Variants in ULK4 observed in about 807,000 individuals in gnomAD.
The protein encoded by ULK4 is inactive serine/threonine-protein kinase ULK4.
A neutral mutation model predicts 160.6 loss-of-function variants in ULK4; 133 were observed. The observed-to-expected ratio is 0.83, with a 90% confidence interval of 0.72 to 0.96. ULK4 has a LOEUF of 0.96. Ranked by LOEUF, ULK4 falls within the 40% of genes least tolerant of loss-of-function variation. The probability of loss-of-function intolerance (pLI) is 0.00; values close to 1 mark genes in which losing one functional copy is unlikely to be tolerated. For synonymous variants in ULK4, 534 were observed against 539.8 expected (o/e 0.99, Z 0.15); for missense variants, 1,580 against 1,499.5 (o/e 1.05, Z -0.89).
chr3:41,555,166 C>A, intron 32 of ULK4, among the ~76,000 whole-genome samples: 1 of 151,202 alleles, frequency 6.6e-6, no homozygotes. Context: ...GAAGTAAATC[C>A]CAAAACTGAT....
chr3:41,787,401 G>T (rs115082264), intron 21 of ULK4, among the ~76,000 whole-genome samples: 3,551 of 152,222 alleles, frequency 0.023, 59 homozygotes, highest in Non-Finnish European at 0.037. Context: ...TGGAAAGCCT[G>T]ACCTCGCACT....
In ULK4 at chr3:41,743,761, G is replaced by C. The variant is rs530919535; in HGVS notation, c.2321+10600C>G. Reference sequence around the variant, plus strand: ...GCTCCCTGCAACCTCCACCTCACAGGTTCAAGCAATTCTCCTGCATCAGCC... The same window carrying C: ...GCTCCCTGCAACCTCCACCTCACAGCTTCAAGCAATTCTCCTGCATCAGCC... On this transcript the variant is annotated intron_variant, in intron 22 of 36. Transcript: ENST00000301831. 9.9e-5 allele frequency among the ~76,000 whole-genome samples: 15 copies of C among 151,982 alleles called. 1 individual carries two copies. Among genetic ancestry groups the C allele is most frequent in the African/African-American group, 3.6e-4 (15 of 41,282 alleles).
At chr3:41,770,013 A>G (rs1235933401) in intron 21 of ULK4, among the ~76,000 whole-genome samples, 2 of 152,230 alleles carry the variant, frequency 1.3e-5, no homozygotes, top group African/African-American at 4.8e-5. Flanking sequence ...GATTAAATCT[A>G]AAATTGTTTT....
At chr3:41,381,691 AC>A (rs963330169) in intron 35 of ULK4, among the ~76,000 whole-genome samples, 20 of 152,184 alleles carry the variant, frequency 1.3e-4, no homozygotes, top group African/African-American at 4.6e-4. Context: ...TGATACAGCA[AC>A]CCCCTGACAT....
chr3:41,408,901 T>TA (rs1559578743), intron 34 of ULK4, among the ~76,000 whole-genome samples: 1 of 151,932 alleles, frequency 6.6e-6, no homozygotes, highest in Admixed American at 6.6e-5. Context: ...ACTGGACATA[T>TA]AAAAAAATGA....
chr3:41,845,010 G>C (rs1041799411), intron 17 of ULK4, among the ~76,000 whole-genome samples: 7 of 149,558 alleles, frequency 4.7e-5, no homozygotes, highest in Non-Finnish European at 7.4e-5. Flanking sequence ...CTGTTGCCCA[G>C]GCTGGAGTGC....
At chr3:41,484,585 T>C (rs1335409260) in intron 32 of ULK4, among the ~76,000 whole-genome samples, 1 of 152,054 alleles carries the variant, frequency 6.6e-6, no homozygotes, top group Non-Finnish European at 1.5e-5. Context: ...CCGGAGTAGC[T>C]GGGACTACAG....
intron 32 of ULK4, among the ~76,000 whole-genome samples, chr3:41,522,634 C>T (rs2085971723): frequency 6.6e-6 from 1 of 152,110 alleles, no homozygotes; most frequent in Admixed American, 6.6e-5. Context: ...GGAAAGTTCT[C>T]TTTATTAACA....
chr3:41,339,229 CCT>C (rs747883970), intron 35 of ULK4, among the ~76,000 whole-genome samples: 229 of 152,150 alleles, frequency 1.5e-3, no homozygotes, highest in Non-Finnish European at 5.4e-4. Flanking sequence ...GGTCTTCACC[CCT>C]GTCCAGGGGC....
Position 41,912,869 on chromosome 3 carries a change from T to C in ULK4, c.834A>G (p.Ser278=), listed in dbSNP as rs1698837316. Residue 278 remains serine, a synonymous_variant, in exon 9 of 37, where the codon TCA becomes TCG. Coordinates refer to ENST00000301831, the MANE Select transcript of ULK4 (RefSeq NM_017886.4). The stretch of plus-strand genomic sequence containing the variant: ...CTCCAGCAAAAGCTTTCTTCCAAAA[T>C]GAATGCTGCAGTAGCCTTGTCCAAG... ...RLTWTRLLQH[S]FWKKAFAGAD... 1 of 1,614,160 alleles carries C rather than the reference T, an allele frequency of 6.2e-7. No homozygotes were observed. The highest frequency in any genetic ancestry group is 8.5e-7 in the Non-Finnish European group (1 of 1,180,018).
intron 17 of ULK4, among the ~76,000 whole-genome samples, chr3:41,849,179 GA>G (rs756590902): frequency 2.6e-5 from 4 of 152,188 alleles, no homozygotes; most frequent in Non-Finnish European, 5.9e-5. Context: ...AGCCTATCCT[GA>G]CTGACAGATA....
intron 35 of ULK4, among the ~76,000 whole-genome samples, chr3:41,382,437 T>G (rs2081678514): frequency 6.6e-6 from 1 of 152,238 alleles, no homozygotes; most frequent in Non-Finnish European, 1.5e-5. Flanking sequence ...TAAATTCACT[T>G]TGATAAATGT....
chr3:41,850,989 G>C (rs1369328899), intron 17 of ULK4, among the ~76,000 whole-genome samples: 2 of 152,082 alleles, frequency 1.3e-5, no homozygotes, highest in Non-Finnish European at 2.9e-5. Flanking sequence ...TTTTGTATAA[G>C]GTTTTCTAGA....
intron 27 of ULK4, among the ~76,000 whole-genome samples, chr3:41,684,262 C>T (rs1193001433): frequency 6.6e-6 from 1 of 152,218 alleles, no homozygotes; most frequent in Non-Finnish European, 1.5e-5. Context: ...ACCAGCCAGG[C>T]TTCTGACCTG....
intron 5 of ULK4, among the ~76,000 whole-genome samples, chr3:41,929,118 C>T (rs1458395409): frequency 1.3e-5 from 2 of 152,210 alleles, no homozygotes; most frequent in South Asian, 2.1e-4. Flanking sequence ...CTGAATCCAG[C>T]AGCACATCCA....
intron 17 of ULK4, among the ~76,000 whole-genome samples, chr3:41,859,916 C>T (rs369298189): frequency 6.6e-6 from 1 of 151,190 alleles, no homozygotes; most frequent in East Asian, 1.9e-4. Flanking sequence ...GATCCACCCA[C>T]CTCGGCATCC....
chr3:41,479,349 G>A (rs1413173659), intron 32 of ULK4, among the ~76,000 whole-genome samples: 1 of 152,034 alleles, frequency 6.6e-6, no homozygotes, highest in Non-Finnish European at 1.5e-5. Context: ...CAGACTGAAG[G>A]AATTACAAAA....
chr3:41,601,506 G>T (rs2032060714), intron 31 of ULK4, among the ~76,000 whole-genome samples: 1 of 152,068 alleles, frequency 6.6e-6, no homozygotes, highest in African/African-American at 2.4e-5. Flanking sequence ...AAAAATTGTG[G>T]GTTGGAGGGT....
intron 35 of ULK4, among the ~76,000 whole-genome samples, chr3:41,301,442 G>A (rs777292846): frequency 3.3e-5 from 5 of 152,088 alleles, no homozygotes; most frequent in East Asian, 1.9e-4. Flanking sequence ...GATATAACAC[G>A]TGAGCACTAA....
Sources: gnomAD v4.1 joint callset for allele counts (sites outside exome capture counted in the v4.1 genomes callset) on GRCh38, gnomAD v4.1.1 for gene constraint, MANE v1.5 for transcripts, NCBI Gene and HGNC (gene_info 2026-07-23, HGNC 2026-07-21) for gene names.